DBNDD1: variants seen among roughly 807,000 people sequenced by gnomAD.
DBNDD1 encodes the protein dysbindin domain containing 1.
Under a neutral mutation model 17.0 loss-of-function variants are expected in DBNDD1, and 14 were observed. The ratio of observed to expected loss-of-function variants is 0.82; its 90% CI spans 0.54 to 1.29. The LOEUF (loss-of-function observed/expected upper bound fraction) is 1.29. DBNDD1 is among the 50% of genes most tolerant of loss of function. The probability of loss-of-function intolerance (pLI) is 0.00; values close to 1 mark genes in which losing one functional copy is unlikely to be tolerated. For missense variants in DBNDD1, 221 were observed against 216.2 expected (o/e 1.02, Z -0.14); for synonymous variants, 105 against 102.0 (o/e 1.03, Z -0.18).
At chr16:90,019,479 G>A, upstream of DBNDD1, 1 of 241,508 alleles carries the variant, frequency 4.1e-6, no homozygotes. This position sits in a 1 kb window ranked among gnomAD's most constrained non-coding sequence, Gnocchi z 6.1. Context: ...GCGGCGGCAG[G>A]GAGGAGCCCG....
chr16:90,011,735 A>G (rs1447366821), intron 1 of DBNDD1: 1 of 449,434 alleles, frequency 2.2e-6, no homozygotes, highest in South Asian at 1.6e-5. Flanking sequence ...GGGTCAAGTT[A>G]CTGGTGTCCT....
At chr16:90,014,395 G>C (rs970504315) in intron 1 of DBNDD1, among the ~76,000 whole-genome samples, 1 of 152,076 alleles carries the variant, frequency 6.6e-6, no homozygotes, top group African/African-American at 2.4e-5. Context: ...AAAGTGCTGG[G>C]ATTATAGGTG....
intron 1 of DBNDD1, chr16:90,009,841 T>C (rs1157708150): frequency 1.0e-6 from 1 of 996,026 alleles, no homozygotes; most frequent in Non-Finnish European, 1.5e-6. Context: ...TCCAGCCTCT[T>C]GGTCCCCTTC....
At chr16:90,019,765 C>T (rs1188442685), upstream of DBNDD1, 1 of 689,626 alleles carries the variant, frequency 1.5e-6, no homozygotes, top group East Asian at 2.8e-5. The surrounding 1 kb of genome is among the most constrained non-coding windows in gnomAD (Gnocchi z 6.1). Flanking sequence ...TTGTTCTCTT[C>T]CAGGTACTTG....
Position 90,013,262 on chromosome 16 carries a change from TAA to T in DBNDD1, c.32-3834_32-3833del, listed in dbSNP as rs59831191. Among the ~76,000 whole-genome samples the T allele has an allele frequency of 3.9e-3, 193 of 49,140 alleles. 23 individuals carry two copies. Among genetic ancestry groups the T allele is most frequent in the South Asian group, 9.5e-3 (9 of 950 alleles). The allele number at this position is 49,140 out of a possible 152,430, so 32.2% of individuals were successfully genotyped here. On this transcript the variant is annotated intron_variant, in intron 1 of 3. Coordinates refer to ENST00000002501, the MANE Select transcript of DBNDD1 (RefSeq NM_001042610.3). ...TGAGCAACAGAGCGAAACCTTGCCT[TAA>T]AAAAAAAAAAAAAAAAAAAGACAGT...
chr16:90,015,615 C>T (rs2035627308), intron 1 of DBNDD1, among the ~76,000 whole-genome samples: 1 of 152,162 alleles, frequency 6.6e-6, no homozygotes, highest in African/African-American at 2.4e-5. Flanking sequence ...CCAATGTCCT[C>T]AGTGGATCAA....
At chr16:90,007,059 C>G (rs2035441628) in intron 3 of DBNDD1, 2 of 154,238 alleles carry the variant, frequency 1.3e-5, no homozygotes, top group South Asian at 4.0e-4. Flanking sequence ...TCCCCAGCCA[C>G]AACAGCCATG....
At chr16:90,011,788 G>A (rs1472902764) in intron 1 of DBNDD1, 13 of 403,494 alleles carry the variant, frequency 3.2e-5, no homozygotes, top group Non-Finnish European at 6.1e-5. Context: ...CCGCCCAGAG[G>A]GCACAGGGGA....
intron 1 of DBNDD1, among the ~76,000 whole-genome samples, chr16:90,016,161 G>C (rs1324726414): frequency 6.6e-6 from 1 of 152,164 alleles, no homozygotes; most frequent in South Asian, 2.1e-4. Context: ...GGACTGGGTA[G>C]AGCGAGAAGC....
At position 90,009,325 on chromosome 16, in the gene DBNDD1, G is replaced by C; in HGVS notation, c.137C>G (p.Pro46Arg). 1 of 1,613,562 alleles carries C rather than the reference G, an allele frequency of 6.2e-7. No homozygotes were observed. The highest frequency in any genetic ancestry group is 8.5e-7 in the Non-Finnish European group (1 of 1,180,000). ...TPVEEEVGGIPVPAPGLLQVT... is the reference protein window; with the variant it reads ...TPVEEEVGGIRVPAPGLLQVT... ...CTGCAGGAGCCCCGGTGCTGGTACT[G>C]GGATGCCCCCGACCTCCTCCTCCAC... Residue 46 changes from proline (P) to arginine (R), a missense_variant, in exon 2 of 4, where the codon CCA (proline) becomes CGA (arginine). By Grantham distance (103) the Pro-to-Arg change is moderately radical. Coordinates refer to ENST00000002501, the MANE Select transcript of DBNDD1 (RefSeq NM_001042610.3).
At chr16:90,014,201 A>C (rs2035601178) in intron 1 of DBNDD1, among the ~76,000 whole-genome samples, 1 of 151,226 alleles carries the variant, frequency 6.6e-6, no homozygotes, top group Admixed American at 6.6e-5. Context: ...ATCTCTGCTC[A>C]CTGCAAACTC....
At chr16:90,019,464 G>C, upstream of DBNDD1, 1 of 352,686 alleles carries the variant, frequency 2.8e-6, no homozygotes, top group South Asian at 1.2e-4. This position sits in a 1 kb window ranked among gnomAD's most constrained non-coding sequence, Gnocchi z 6.1. Flanking sequence ...AGCAACCGGG[G>C]GGCCGCGGCG....
In DBNDD1 at chr16:90,019,289, C is replaced by T. The variant is rs1597588397; in HGVS notation, c.31+22G>A. On this transcript the variant is annotated intron_variant, in intron 1 of 3. Coordinates refer to ENST00000002501, the MANE Select transcript of DBNDD1 (RefSeq NM_001042610.3). The surrounding 1 kb of genome is among the most constrained non-coding windows in gnomAD (Gnocchi z 6.1). ...GCGGGGAAGCGCTGCGCGGGGGTCT[C>T]GGGGGCTGGGGCTGAACTCACCTCC... 1.7e-6 allele frequency: 2 copies of T among 1,173,162 alleles called. No individual in the cohort carries two copies. Among genetic ancestry groups the T allele is most frequent in the East Asian group, 3.3e-5 (1 of 30,058 alleles). The allele number at this position is 1,173,162 out of a possible 1,614,324, so 72.7% of individuals were successfully genotyped here. A position where few individuals can be genotyped will look rare whatever the true frequency, so the allele number is the denominator to read the frequency against.
chr16:90,017,642 A>G (rs1297806912), intron 1 of DBNDD1, among the ~76,000 whole-genome samples: 3 of 152,354 alleles, frequency 2.0e-5, no homozygotes, highest in East Asian at 3.9e-4. Flanking sequence ...GATGTCACAC[A>G]TGGGCCTTTG....
rs2035724445 is a variant in DBNDD1 at position 90,019,351 on chromosome 16, G to A, written c.-10C>T. The A allele has an allele frequency of 1.6e-6, 2 of 1,216,960 alleles. No individual in the cohort carries two copies. The highest frequency in any genetic ancestry group is 2.0e-6 in the Non-Finnish European group (2 of 978,230). 75.4% of individuals were successfully genotyped at this position (1,216,960 alleles called of 1,614,324 possible). On this transcript the variant is annotated 5_prime_UTR_variant, in exon 1 of 4. Transcript: ENST00000002501. This position sits in a 1 kb window ranked among gnomAD's most constrained non-coding sequence, Gnocchi z 6.1. ...CCTCCGGGGGCTCCATGCGGCCGGT[G>A]CGGTCTGGGAGGGGCACGGGCGACG...
At chr16:90,009,176 C>T (rs1019211971) in intron 2 of DBNDD1, 108 bp downstream of exon 2, 2 of 1,495,134 alleles carry the variant, frequency 1.3e-6, no homozygotes, top group African/African-American at 1.4e-5. Flanking sequence ...AGCGCCGGAC[C>T]TAGACCCCCC....
At chr16:90,009,038 C>T in intron 2 of DBNDD1, 114 bp from the exon 3 acceptor site, 1 of 1,371,088 alleles carries the variant, frequency 7.3e-7, no homozygotes, top group Non-Finnish European at 9.6e-7. Flanking sequence ...GGGTGAACCA[C>T]AGCTTCCTGC....
intron 1 of DBNDD1, chr16:90,011,513 G>A: frequency 2.6e-6 from 1 of 379,114 alleles, no homozygotes; most frequent in South Asian, 1.9e-5. Context: ...CTGTGCCTGG[G>A]GGCAGCCCTG....
rs2035585572 is a variant in DBNDD1 at position 90,013,252 on chromosome 16, A to C, written c.32-3822T>G. ...CCATCCAGCTTGAGCAACAGAGCGA[A>C]ACCTTGCCTTAAAAAAAAAAAAAAA... is the stretch of plus-strand genomic sequence containing the variant. On this transcript the variant is annotated intron_variant, in intron 1 of 3. Transcript: ENST00000002501. Among the ~76,000 whole-genome samples, 3 of 136,160 alleles carry C rather than the reference A, an allele frequency of 2.2e-5. No homozygotes were observed. The South Asian group carries it at 7.3e-4, about 33-fold the overall frequency. 89.3% of individuals were successfully genotyped at this position (136,160 alleles called of 152,430 possible).
Sources: allele counts gnomAD v4.1 joint callset (sites outside exome capture counted in the v4.1 genomes callset), GRCh38; gene constraint gnomAD v4.1.1; non-coding constraint Gnocchi (gnomAD v3.1); transcripts MANE v1.5; gene names NCBI Gene and HGNC (gene_info 2026-07-23, HGNC 2026-07-21).